SIAH1: variants seen among roughly 807,000 people sequenced by gnomAD.
SIAH1 encodes the protein siah E3 ubiquitin protein ligase 1, also known as E3 ubiquitin-protein ligase SIAH1.
Under a neutral mutation model 20.0 loss-of-function variants are expected in SIAH1, and 2 were observed. The observed-to-expected ratio is 0.10, with a 90% CI of 0.04 to 0.31. The LOEUF (loss-of-function observed/expected upper bound fraction) is 0.31. SIAH1 is among the 10% of genes least tolerant of loss of function. The pLI is 1.00. For missense variants in SIAH1, 119 were observed against 355.3 expected (o/e 0.33, Z 5.35); for synonymous variants, 118 against 125.3 (o/e 0.94, Z 0.39).
chr16:48,375,676 A>G (rs1451391465), intron 1 of SIAH1, among the ~76,000 whole-genome samples: 1 of 152,190 alleles, frequency 6.6e-6, no homozygotes, highest in East Asian at 1.9e-4. Flanking sequence ...TTGGGGGGAG[A>G]AAAAAAGCTA....
At position 48,362,430 on chromosome 16, in the gene SIAH1, T is replaced by G; in HGVS notation, c.-2A>C. On this transcript the variant is annotated splice_region_variant and 5_prime_UTR_variant, in exon 2 of 2. Transcript: ENST00000394725. This position sits in a 1 kb window ranked among gnomAD's most constrained non-coding sequence, Gnocchi z 4.2. Reference sequence around the variant, plus strand: ...TGCTGTAGCAGTCTGACGGCTCATTTCTGAAATAAATACATAAGGAGGCAG... The same window carrying G: ...TGCTGTAGCAGTCTGACGGCTCATTGCTGAAATAAATACATAAGGAGGCAG... 6.2e-7 allele frequency: 1 copy of G among 1,613,992 alleles called. No homozygotes were observed. The highest frequency in any genetic ancestry group is 8.5e-7 in the Non-Finnish European group (1 of 1,179,962).
At chr16:48,365,413 G>A in intron 1 of SIAH1, 1 of 1,613,950 alleles carries the variant, frequency 6.2e-7, no homozygotes, top group East Asian at 2.2e-5. Context: ...CCTGGCCGCT[G>A]GTAAACATGT....
chr16:48,384,931 G>A (rs1041310958), intron 1 of SIAH1, among the ~76,000 whole-genome samples: 21 of 144,426 alleles, frequency 1.5e-4, no homozygotes, highest in African/African-American at 5.2e-4. Context: ...CGGCCCGGCC[G>A]CGCGGGGCCG....
intron 1 of SIAH1, among the ~76,000 whole-genome samples, chr16:48,377,399 T>TC (rs1961137854): frequency 6.6e-6 from 1 of 151,228 alleles, no homozygotes; most frequent in African/African-American, 2.4e-5. Flanking sequence ...ACTTTTTTTT[T>TC]TTTTTTTTTT....
chr16:48,385,462 A>T (rs1961434631), upstream of SIAH1: 1 of 150,076 alleles, frequency 6.7e-6, no homozygotes, highest in African/African-American at 2.4e-5. Flanking sequence ...GGCGGCGGCC[A>T]TGAGGAGGCG....
chr16:48,371,634 C>T (rs982884765), intron 1 of SIAH1, among the ~76,000 whole-genome samples: 1 of 152,128 alleles, frequency 6.6e-6, no homozygotes, highest in African/African-American at 2.4e-5. Flanking sequence ...TATTTCATAC[C>T]ACACATTACT....
chr16:48,365,914 T>C (rs1044864031), intron 1 of SIAH1: 7 of 1,226,730 alleles, frequency 5.7e-6, no homozygotes, highest in African/African-American at 1.6e-5. Context: ...GGAGAGCCAT[T>C]TGGAGCCTCG....
intron 1 of SIAH1, among the ~76,000 whole-genome samples, 162 bp downstream of exon 1, chr16:48,385,042 G>A (rs942728456): frequency 3.4e-5 from 5 of 148,404 alleles, no homozygotes; most frequent in South Asian, 2.1e-4. Flanking sequence ...GCGCTCGACC[G>A]GGCGGCCCGA....
chr16:48,385,257 C>T lies in SIAH1; in HGVS notation c.-56G>A, dbSNP rs1035319684. On this transcript the variant is annotated 5_prime_UTR_variant, in exon 1 of 2. Transcript: ENST00000394725. ...CGGTCCTGGCACCAACGCGCTCCGT[C>T]GCCAACCCCCGCCACCGCGGGCAGC... is the stretch of plus-strand genomic sequence containing the variant. 1 of 318,368 alleles carries T rather than the reference C, an allele frequency of 3.1e-6. No individual in the cohort carries two copies. The highest frequency in any genetic ancestry group is 3.2e-5 in the Admixed American group (1 of 31,146). 19.7% of individuals were successfully genotyped at this position (318,368 alleles called of 1,614,324 possible). A position where few individuals can be genotyped will look rare whatever the true frequency, so the allele number is the denominator to read the frequency against.
At position 48,383,023 on chromosome 16, in the gene SIAH1, C is replaced by A. The variant is rs930873620; in HGVS notation, c.-3+2181G>T. Among the ~76,000 whole-genome samples, 4 of 152,276 alleles carry A rather than the reference C, an allele frequency of 2.6e-5. No homozygotes were observed. The South Asian group carries it at 8.3e-4, about 32-fold the overall frequency. The stretch of plus-strand genomic sequence containing the variant: ...TTACAGATATTAAGAAAGAATATTT[C>A]TCTACAGCAATTTCGTAAGAACTTC... On this transcript the variant is annotated intron_variant, in intron 1 of 1. Transcript: ENST00000394725.
Position 48,362,605 on chromosome 16 carries a change from G to A in SIAH1, c.-2-175C>T, listed in dbSNP as rs559160031. On this transcript the variant is annotated intron_variant, in intron 1 of 1. Transcript: ENST00000394725. This position sits in a 1 kb window ranked among gnomAD's most constrained non-coding sequence, Gnocchi z 4.2. The stretch of plus-strand genomic sequence containing the variant: ...AAAAAAATAAAATTACACTGAATGT[G>A]CACTTTATTAGGATCTGTACACTGG... 3.1e-6 allele frequency: 2 copies of A among 647,776 alleles called. No individual in the cohort carries two copies. Among genetic ancestry groups the A allele is most frequent in the Admixed American group, 3.0e-5 (1 of 33,160 alleles). 40.1% of individuals were successfully genotyped at this position (647,776 alleles called of 1,614,324 possible).
At chr16:48,385,648 CG>C (rs1449040185), upstream of SIAH1, among the ~76,000 whole-genome samples, 1 of 152,084 alleles carries the variant, frequency 6.6e-6, no homozygotes, top group Admixed American at 6.5e-5. Flanking sequence ...GCGCATTCAA[CG>C]GATCCTGGCA....
At chr16:48,363,327 T>G (rs1960681564) in intron 1 of SIAH1, 1 of 167,112 alleles carries the variant, frequency 6.0e-6, no homozygotes, top group African/African-American at 2.4e-5. Context: ...TAATTAAGTC[T>G]TCCCCCCAAA....
intron 1 of SIAH1, among the ~76,000 whole-genome samples, chr16:48,377,001 G>C (rs575672762): frequency 6.6e-6 from 1 of 152,196 alleles, no homozygotes; most frequent in Non-Finnish European, 1.5e-5. Flanking sequence ...AGAGAAGCTA[G>C]TATACACTTA....
rs144036057 is a variant in SIAH1 at position 48,368,044 on chromosome 16, T to C, written c.-2-5614A>G. ...TTTACCACCTTAGCATACTTAACAG[T>C]AGAAAGATAAACTTTTATTCTCAAT... On this transcript the variant is annotated intron_variant, in intron 1 of 1. Transcript: ENST00000394725. Among the ~76,000 whole-genome samples the C allele has an allele frequency of 4.8e-3, 736 of 152,346 alleles. 7 individuals are homozygous for C. Among genetic ancestry groups the C allele is most frequent in the Non-Finnish European group, 6.9e-3 (467 of 68,038 alleles).
chr16:48,365,826 C>G, intron 1 of SIAH1: 1 of 1,249,674 alleles, frequency 8.0e-7, no homozygotes, highest in Middle Eastern at 3.1e-4. Flanking sequence ...GCCACGGATG[C>G]AGGGGGCGAC....
chr16:48,379,155 G>C (rs1339489153), intron 1 of SIAH1, among the ~76,000 whole-genome samples: 1 of 151,982 alleles, frequency 6.6e-6, no homozygotes, highest in Non-Finnish European at 1.5e-5. Flanking sequence ...ATAGAGCCAA[G>C]AGACACATCC....
At chr16:48,368,268 T>C (rs1401861260) in intron 1 of SIAH1, among the ~76,000 whole-genome samples, 1 of 152,230 alleles carries the variant, frequency 6.6e-6, no homozygotes, top group Non-Finnish European at 1.5e-5. Context: ...AGGATACTGG[T>C]GATTTTTAGC....
At chr16:48,371,043 G>C (rs565069045) in intron 1 of SIAH1, among the ~76,000 whole-genome samples, 27 of 151,632 alleles carry the variant, frequency 1.8e-4, no homozygotes, top group African/African-American at 5.6e-4. Context: ...GAACCCGGGA[G>C]GGGGAGGTTG....
Sources: gnomAD v4.1 joint callset for allele counts (sites outside exome capture counted in the v4.1 genomes callset) on GRCh38, gnomAD v4.1.1 for gene constraint, Gnocchi (gnomAD v3.1) non-coding constraint, MANE v1.5 for transcripts, NCBI Gene and HGNC (gene_info 2026-07-23, HGNC 2026-07-21) for gene names.